GALNT13: variants seen among roughly 807,000 people sequenced by gnomAD.
The protein encoded by GALNT13 is polypeptide N-acetylgalactosaminyltransferase 13, also known as UDP-GalNAc:polypeptide N-acetylgalactosaminyltransferase 13.
In GALNT13, 28 loss-of-function variants were observed where a neutral mutation model predicts 64.2. That is an observed-to-expected ratio of 0.44 (90% confidence interval 0.32 to 0.60). The LOEUF is 0.60. Among genes scored for constraint, GALNT13 ranks in the 20% least tolerant of loss-of-function variants. The pLI is 0.05. For missense variants in GALNT13, 577 were observed against 669.8 expected (o/e 0.86, Z 1.53); for synonymous variants, 214 against 224.6 (o/e 0.95, Z 0.42).
At chr2:154,407,065 A>G (rs1699579694) in intron 10 of GALNT13, among the ~76,000 whole-genome samples, 1 of 152,126 alleles carries the variant, frequency 6.6e-6, no homozygotes, top group South Asian at 2.1e-4. Context: ...CCACTGTCAG[A>G]GTATGTACTA....
At chr2:153,419,573 G>A in the GALNT13 span, among the ~76,000 whole-genome samples, 4 of 152,176 alleles carry the variant, frequency 2.6e-5, no homozygotes, top group South Asian at 2.1e-4. Context: ...AACAATGAAA[G>A]GAGTCCTTGT....
At chr2:153,980,645 A>T (rs1274874904) in intron 3 of GALNT13, among the ~76,000 whole-genome samples, 1 of 152,150 alleles carries the variant, frequency 6.6e-6, no homozygotes. Flanking sequence ...CGGCAATTGG[A>T]TACATATTTC....
chr2:154,379,041 T>A (rs1212867062), intron 9 of GALNT13, among the ~76,000 whole-genome samples: 1 of 152,064 alleles, frequency 6.6e-6, no homozygotes, highest in Non-Finnish European at 1.5e-5. Context: ...ACGGCAGTAA[T>A]TTCAGAGGAC....
At chr2:154,431,307 G>A (rs951766751) in intron 11 of GALNT13, among the ~76,000 whole-genome samples, 9 of 152,114 alleles carry the variant, frequency 5.9e-5, no homozygotes, top group African/African-American at 2.2e-4. Context: ...CTGGAACAAG[G>A]TTTCATTAGC....
the GALNT13 span, among the ~76,000 whole-genome samples, chr2:153,471,033 G>A: frequency 6.6e-6 from 1 of 152,118 alleles, no homozygotes; most frequent in African/African-American, 2.4e-5. Flanking sequence ...AGCCAGCTTT[G>A]CGTATGCTAC....
intron 2 of GALNT13, among the ~76,000 whole-genome samples, chr2:153,902,862 C>T (rs963364871): frequency 6.6e-6 from 1 of 152,038 alleles, no homozygotes; most frequent in African/African-American, 2.4e-5. Flanking sequence ...GTAAAACATA[C>T]CATGCCTGAC....
At chr2:154,235,105 G>A (rs73965410) in intron 4 of GALNT13, among the ~76,000 whole-genome samples, 2,911 of 152,080 alleles carry the variant, frequency 0.019, 86 homozygotes, top group African/African-American at 0.063. Flanking sequence ...GTATGGGAGC[G>A]TTGGAAGTAC....
chr2:153,069,517 G>A, the GALNT13 span, among the ~76,000 whole-genome samples: 3 of 151,930 alleles, frequency 2.0e-5, no homozygotes, highest in Non-Finnish European at 2.9e-5. Flanking sequence ...CATCTCAATC[G>A]CCTTTGATCC....
chr2:153,082,831 T>TTGAATAAATAAAATATATA, the GALNT13 span, among the ~76,000 whole-genome samples: 3 of 148,066 alleles, frequency 2.0e-5, no homozygotes, highest in African/African-American at 5.0e-5. Flanking sequence ...ATTTTATTTA[T>TTGAATAAATAAAATATATA]TTATTTATTT....
chr2:153,955,190 A>G (rs929780982), intron 3 of GALNT13, among the ~76,000 whole-genome samples: 1 of 152,186 alleles, frequency 6.6e-6, no homozygotes, highest in African/African-American at 2.4e-5. Context: ...ATTGAAAGCA[A>G]TAGTGAAACA....
At chr2:154,016,885 G>A (rs1480828564) in intron 3 of GALNT13, among the ~76,000 whole-genome samples, 1 of 152,146 alleles carries the variant, frequency 6.6e-6, no homozygotes, top group East Asian at 1.9e-4. Context: ...AGAGTGATCG[G>A]TCAAGGGATT....
the GALNT13 span, among the ~76,000 whole-genome samples, chr2:153,517,627 T>C: frequency 1.3e-5 from 2 of 152,108 alleles, no homozygotes; most frequent in East Asian, 3.9e-4. Context: ...CTTACTACTA[T>C]AAATGAATAA....
chr2:153,722,613 A>G, the GALNT13 span, among the ~76,000 whole-genome samples: 19 of 152,092 alleles, frequency 1.2e-4, no homozygotes, highest in African/African-American at 4.1e-4. Context: ...AAAAAATGAT[A>G]AAGGGGATAT....
At chr2:153,490,222 G>A in the GALNT13 span, among the ~76,000 whole-genome samples, 20 of 152,178 alleles carry the variant, frequency 1.3e-4, no homozygotes, top group African/African-American at 3.9e-4. Flanking sequence ...AGTTATCTAC[G>A]TTTTCCATTA....
rs918974754 is a variant in GALNT13 at position 154,041,279 on chromosome 2, A to T, written c.142+96640A>T. Among the ~76,000 whole-genome samples the T allele has an allele frequency of 1.1e-4, 15 of 140,534 alleles. 1 individual carries two copies. The highest frequency in any genetic ancestry group is 3.7e-4 in the African/African-American group (15 of 40,886). The allele number at this position is 140,534 out of a possible 152,430, so 92.2% of individuals were successfully genotyped here. On this transcript the variant is annotated intron_variant, in intron 3 of 12. Coordinates refer to ENST00000392825, the MANE Select transcript of GALNT13 (RefSeq NM_052917.4). ...AGACCTCAATTGAAGTTTTTAGACT[A>T]TATTATTTTGCTTGTATTCCACAAT...
chr2:153,496,993 C>CAAAAAAAAAAAAAAAAAAAA, the GALNT13 span, among the ~76,000 whole-genome samples: 2 of 90,882 alleles, frequency 2.2e-5, no homozygotes, highest in Non-Finnish European at 2.3e-5. Context: ...GATTTTGTCT[C>CAAAAAAAAAAAAAAAAAAAA]AAAAAAAAAA....
At position 154,153,522 on chromosome 2, in the gene GALNT13, C is replaced by G. The variant is rs534825405; in HGVS notation, c.311+13017C>G. Among the ~76,000 whole-genome samples, 10 of 152,340 alleles carry G rather than the reference C, an allele frequency of 6.6e-5. 1 individual carries two copies. In the South Asian group the frequency reaches 1.9e-3, roughly 28 times the overall value. ...TGGTGTCTTTTTGTTTGTCTGTGCC[C>G]AGCCCCCAGAGGTGGAGCCTACAGA... On this transcript the variant is annotated intron_variant, in intron 4 of 12. Coordinates refer to ENST00000392825, the MANE Select transcript of GALNT13 (RefSeq NM_052917.4).
the GALNT13 span, chr2:153,354,159 A>C: frequency 4.6e-5 from 7 of 152,154 alleles, no homozygotes; most frequent in African/African-American, 1.7e-4. Context: ...GATTCCATTT[A>C]ATCAATTTTT....
the GALNT13 span, among the ~76,000 whole-genome samples, chr2:153,086,103 C>A: frequency 6.6e-6 from 1 of 152,186 alleles, no homozygotes. Flanking sequence ...TGTCCAATTT[C>A]TCCTATTTGG....
Sources: gnomAD v4.1 joint callset for allele counts (sites outside exome capture counted in the v4.1 genomes callset) on GRCh38, gnomAD v4.1.1 for gene constraint, MANE v1.5 for transcripts, NCBI Gene and HGNC (gene_info 2026-07-23, HGNC 2026-07-21) for gene names.